The following CPN2 variants were observed in gnomAD, a reference collection of about 807,000 sequenced individuals.
CPN2 encodes the protein carboxypeptidase N subunit 2, also known as carboxypeptidase N 83 kDa chain.
For missense variants in CPN2, 620 were observed against 671.4 expected (o/e 0.92, Z 0.85); for synonymous variants, 336 against 318.4 (o/e 1.06, Z -0.59).
Position 194,340,941 on chromosome 3 carries a change from G to C in CPN2, c.*124C>G. ...ACCAGACTCCACCCCCTCACCTTGGGGATGTAACCCTGTCCCTTGCATGTG... is the reference window on the plus strand; with the variant it reads ...ACCAGACTCCACCCCCTCACCTTGGCGATGTAACCCTGTCCCTTGCATGTG... On this transcript the variant is annotated 3_prime_UTR_variant, in exon 2 of 2. Transcript: ENST00000323830. 7.2e-7 allele frequency: 1 copy of C among 1,391,728 alleles called. No homozygotes were observed. 86.2% of individuals were successfully genotyped at this position (1,391,728 alleles called of 1,614,324 possible).
chr3:194,343,941 T>C (rs1418412533), intron 1 of CPN2, among the ~76,000 whole-genome samples: 1 of 152,216 alleles, frequency 6.6e-6, no homozygotes, highest in Non-Finnish European at 1.5e-5. Context: ...TTAGACGGAA[T>C]ACACTTGAAT....
In CPN2 at chr3:194,342,600, A is replaced by G; in HGVS notation, c.103T>C (p.Cys35Arg). 6.2e-7 allele frequency: 1 copy of G among 1,614,092 alleles called. No individual in the cohort carries two copies. The highest frequency in any genetic ancestry group is 1.1e-5 in the South Asian group (1 of 91,078). Residue 35 changes from cysteine (C) to arginine (R), a missense_variant, in exon 2 of 2, where the codon TGC becomes CGC. By Grantham distance (180) the Cys-to-Arg change is radical. Coordinates refer to ENST00000323830, the MANE Select transcript of CPN2 (RefSeq NM_001080513.4). ...GCDCFVQEVF[C>R]SDEELATVPL... ...ACGGTGGCAAGCTCCTCATCTGAGCAGAACACCTCCTGGACGAAGCAGTCA... is the reference window on the plus strand; with the variant it reads ...ACGGTGGCAAGCTCCTCATCTGAGCGGAACACCTCCTGGACGAAGCAGTCA...
At position 194,349,292 on chromosome 3, in the gene CPN2, C is replaced by T. The variant is rs140396485; in HGVS notation, c.-4+1950G>A. ...AGGAGAATCGCTAGAACCCGGGAGGCGGAGGTTGCAGTGAGCCGAGATCGC... is the reference window on the plus strand; with the variant it reads ...AGGAGAATCGCTAGAACCCGGGAGGTGGAGGTTGCAGTGAGCCGAGATCGC... On this transcript the variant is annotated intron_variant, in intron 1 of 1. Transcript: ENST00000323830. 6.3e-3 allele frequency among the ~76,000 whole-genome samples: 954 copies of T among 152,136 alleles called. 9 individuals carry two copies. The highest frequency in any genetic ancestry group is 0.022 in the African/African-American group (908 of 41,472).
Position 194,340,145 on chromosome 3 carries a change from G to A in CPN2, c.*920C>T, listed in dbSNP as rs1022629889. ...TCTCAGCAGACTTCAGAGAGAGAGA[G>A]AGCAGGTTGTAAACTGTTTCTTATC... On this transcript the variant is annotated 3_prime_UTR_variant, in exon 2 of 2. Transcript: ENST00000323830. 3.7e-4 allele frequency: 56 copies of A among 152,286 alleles called. No individual in the cohort carries two copies. The highest frequency in any genetic ancestry group is 1.3e-3 in the African/African-American group (52 of 41,572). 9.4% of individuals were successfully genotyped at this position (152,286 alleles called of 1,614,324 possible). A position where few individuals can be genotyped will look rare whatever the true frequency, so the allele number is the denominator to read the frequency against.
chr3:194,347,484 A>G (rs1233623620), intron 1 of CPN2, among the ~76,000 whole-genome samples: 1 of 152,200 alleles, frequency 6.6e-6, no homozygotes. Context: ...AGCTGGAAGC[A>G]CAAAGAGGGG....
intron 1 of CPN2, among the ~76,000 whole-genome samples, chr3:194,345,564 TG>T (rs1362788968): frequency 6.6e-6 from 1 of 152,240 alleles, no homozygotes; most frequent in Non-Finnish European, 1.5e-5. Context: ...CATTGGTCAT[TG>T]TTTCTCAAAG....
At chr3:194,342,790 G>C in intron 1 of CPN2, 85 bp from the exon 2 acceptor site, 1 of 668,168 alleles carries the variant, frequency 1.5e-6, no homozygotes. Context: ...AGTGACCAGG[G>C]CATAGTGACC....
In CPN2 at chr3:194,342,010, C is replaced by T; in HGVS notation, c.693G>A (p.Glu231=). ...ELFLDSNNIS[E]LPPQVFSQLF... is the part of the protein sequence containing the mutation. ...GCTGGGAGAACACCTGAGGGGGCAGCTCCGAGATGTTGTTGCTGTCCAGGA... is the reference window on the plus strand; with the variant it reads ...GCTGGGAGAACACCTGAGGGGGCAGTTCCGAGATGTTGTTGCTGTCCAGGA... The change falls in exon 2 of 2, where the codon GAG becomes GAA. Residue 231 remains glutamate, a synonymous_variant. Coordinates refer to ENST00000323830, the MANE Select transcript of CPN2 (RefSeq NM_001080513.4). 1 of 1,614,180 alleles carries T rather than the reference C, an allele frequency of 6.2e-7. No homozygotes were observed. Among genetic ancestry groups the T allele is most frequent in the Non-Finnish European group, 8.5e-7 (1 of 1,180,038 alleles).
In CPN2 at chr3:194,343,211, G is replaced by A. The variant is rs1465103034; in HGVS notation, c.-3-506C>T. Among the ~76,000 whole-genome samples, 4 of 152,246 alleles carry A rather than the reference G, an allele frequency of 2.6e-5. No homozygotes were observed. In the East Asian group the frequency reaches 7.7e-4, roughly 29 times the overall value. ...CCACTCCTCCACGGCGAGACCCGAG[G>A]AGATTTCCAACGTCATGTGGACAGA... On this transcript the variant is annotated intron_variant, in intron 1 of 1. Transcript: ENST00000323830.
chr3:194,345,522 T>C (rs2108649049), intron 1 of CPN2, among the ~76,000 whole-genome samples: 1 of 152,292 alleles, frequency 6.6e-6, no homozygotes, highest in Non-Finnish European at 1.5e-5. Context: ...CATAATATGA[T>C]CATTATGCCA....
intron 1 of CPN2, among the ~76,000 whole-genome samples, chr3:194,345,681 C>T (rs947656333): frequency 3.9e-5 from 6 of 152,310 alleles, no homozygotes; most frequent in South Asian, 2.1e-4. Flanking sequence ...GGCAAGGTCC[C>T]GGGGTCTTCA....
intron 1 of CPN2, among the ~76,000 whole-genome samples, chr3:194,349,140 C>T (rs1370583335): frequency 1.3e-5 from 2 of 152,130 alleles, no homozygotes; most frequent in South Asian, 4.1e-4. Context: ...GCGGGAGCAT[C>T]ACCTGAGATC....
At chr3:194,347,408 C>T (rs1713084122) in intron 1 of CPN2, among the ~76,000 whole-genome samples, 1 of 152,078 alleles carries the variant, frequency 6.6e-6, no homozygotes, top group African/African-American at 2.4e-5. Flanking sequence ...GACTGCCACC[C>T]GACGCTGGCT....
intron 1 of CPN2, among the ~76,000 whole-genome samples, chr3:194,345,684 G>A (rs1394055293): frequency 6.6e-6 from 1 of 152,182 alleles, no homozygotes; most frequent in Non-Finnish European, 1.5e-5. Context: ...AAGGTCCCGG[G>A]GTCTTCACAG....
chr3:194,342,109 C>T lies in CPN2; in HGVS notation c.594G>A (p.Leu198=). 1 of 1,614,126 alleles carries T rather than the reference C, an allele frequency of 6.2e-7. No homozygotes were observed. Residue 198 remains leucine (L), a synonymous_variant, in exon 2 of 2, where the codon CTG becomes CTA. Transcript: ENST00000323830. ...LFHPLTSLQT[L]KLSNNALSGL... The stretch of plus-strand genomic sequence containing the variant: ...CAGAGAGCGCGTTGTTGCTCAGCTT[C>T]AGGGTCTGCAGGCTGGTGAGTGGGT...
At chr3:194,345,772 T>G (rs1311621050) in intron 1 of CPN2, among the ~76,000 whole-genome samples, 1 of 152,156 alleles carries the variant, frequency 6.6e-6, no homozygotes, top group Non-Finnish European at 1.5e-5. Flanking sequence ...AAAGCCGGAG[T>G]TGCACCATGG....
At position 194,341,310 on chromosome 3, in the gene CPN2, CT is replaced by C; in HGVS notation, c.1392del (p.Gly466AlafsTer37). The C allele has an allele frequency of 1.9e-6, 3 of 1,613,760 alleles. No individual in the cohort carries two copies. Among genetic ancestry groups the C allele is most frequent in the South Asian group, 2.2e-5 (2 of 91,086 alleles). ...FQVTWPDESK[A>X]GGSWDLAVQE... ...TGCACAGCCAGATCCCAGCTGCCCC[CT>C]GCCTTGCTTTCGTCCGGCCACGTGA... On this transcript the variant is annotated frameshift_variant, in exon 2 of 2. Coordinates refer to ENST00000323830, the MANE Select transcript of CPN2 (RefSeq NM_001080513.4). LOFTEE classifies it low-confidence loss of function (END_TRUNC).
At chr3:194,349,791 T>C (rs1237576659) in intron 1 of CPN2, among the ~76,000 whole-genome samples, 3 of 49,142 alleles carry the variant, frequency 6.1e-5, no homozygotes, top group Non-Finnish European at 1.3e-4. Flanking sequence ...TTTTTTTTTT[T>C]TTTTTTTTTT....
intron 1 of CPN2, among the ~76,000 whole-genome samples, chr3:194,347,557 C>T (rs1713089997): frequency 6.6e-6 from 1 of 152,238 alleles, no homozygotes; most frequent in Admixed American, 6.5e-5. Flanking sequence ...CTTCTCAATC[C>T]AGCAACGTAA....
Sources: gnomAD v4.1 joint callset for allele counts (sites outside exome capture counted in the v4.1 genomes callset) on GRCh38, gnomAD v4.1.1 for gene constraint, MANE v1.5 for transcripts, NCBI Gene and HGNC (gene_info 2026-07-23, HGNC 2026-07-21) for gene names.